Variants in PAPOLA observed in about 807,000 individuals in gnomAD.
PAPOLA encodes the protein poly(A) polymerase alpha, also known as polynucleotide adenylyltransferase alpha.
A neutral mutation model predicts 100.6 loss-of-function variants in PAPOLA; 15 were observed. The observed-to-expected ratio is 0.15, with a 90% CI of 0.10 to 0.23. The LOEUF (loss-of-function observed/expected upper bound fraction) is 0.23. Ranked by LOEUF, PAPOLA falls within the 10% of genes least tolerant of loss-of-function variation. The pLI, the probability that PAPOLA is intolerant of heterozygous loss-of-function variation, is 1.00. For missense variants in PAPOLA, 533 were observed against 884.2 expected (o/e 0.60, Z 5.04); for synonymous variants, 293 against 300.0 (o/e 0.98, Z 0.24).
At chr14:96,543,908 T>C (rs1013742302) in intron 14 of PAPOLA, among the ~76,000 whole-genome samples, 10 of 152,122 alleles carry the variant, frequency 6.6e-5, no homozygotes, top group African/African-American at 2.2e-4. Flanking sequence ...ATTAAGGACA[T>C]TGACTATCAA....
rs912425728 is a variant in PAPOLA at position 96,514,961 on chromosome 14, TTGTAGTC to T, written c.9-5090_9-5084del. 6.3e-4 allele frequency among the ~76,000 whole-genome samples: 96 copies of T among 151,232 alleles called. 1 individual carries two copies. The highest frequency in any genetic ancestry group is 2.3e-3 in the African/African-American group (93 of 40,886). On this transcript the variant is annotated intron_variant, in intron 1 of 21. Transcript: ENST00000216277. ...ATTGTTTTTGAGTTGAGACCAGACT[TTGTAGTC>T]TGTCCTGAATGCTGTTACCAGAAGT...
intron 2 of PAPOLA, 182 bp from the exon 3 acceptor site, chr14:96,520,824 T>C (rs572720286): frequency 2.6e-4 from 136 of 523,288 alleles, no homozygotes; most frequent in African/African-American, 2.3e-3. Flanking sequence ...CCTGTATATA[T>C]ATATAGAAAG....
rs1038912403 is a variant in PAPOLA, at chr14:96,564,681, G to A, written c.2143-274G>A. 1.3e-4 allele frequency among the ~76,000 whole-genome samples: 19 copies of A among 151,846 alleles called. 1 individual carries two copies. The highest frequency in any genetic ancestry group is 2.9e-5 in the Non-Finnish European group (2 of 67,894). On this transcript the variant is annotated intron_variant, in intron 21 of 21. Transcript: ENST00000216277. ...ATTATATGATAGGTGATTCTTAGAGGAACAATTTTAAAAACTATTTGAAAT... is the reference window on the plus strand; with the variant it reads ...ATTATATGATAGGTGATTCTTAGAGAAACAATTTTAAAAACTATTTGAAAT...
At chr14:96,551,652 A>G (rs1045435607) in intron 16 of PAPOLA, among the ~76,000 whole-genome samples, 13 of 151,928 alleles carry the variant, frequency 8.6e-5, no homozygotes, top group African/African-American at 2.7e-4. Context: ...CAGGCTAAAC[A>G]TTCTGGAAAA....
Position 96,565,832 on chromosome 14 carries a change from C to CA in PAPOLA, c.*785dup. On this transcript the variant is annotated 3_prime_UTR_variant, in exon 22 of 22. Transcript: ENST00000216277. ...TTCAATCTGTTGTCTTCAAAACAAA[C>CA]AAACAAAAAAAGCTTCTTGCGCCTT... 2.5e-6 allele frequency: 1 copy of CA among 397,350 alleles called. No homozygotes were observed. Among genetic ancestry groups the CA allele is most frequent in the South Asian group, 1.3e-4 (1 of 7,852 alleles). The allele number at this position is 397,350 out of a possible 1,614,324, so 24.6% of individuals were successfully genotyped here.
chr14:96,538,606 T>A (rs74086714), intron 12 of PAPOLA, among the ~76,000 whole-genome samples: 2,601 of 152,100 alleles, frequency 0.017, 68 homozygotes, highest in African/African-American at 0.059. Context: ...TCAGGAAAAT[T>A]TGCATTTCAG....
chr14:96,528,636 T>C (rs1898710772), intron 6 of PAPOLA, among the ~76,000 whole-genome samples: 2 of 152,254 alleles, frequency 1.3e-5, no homozygotes, highest in South Asian at 4.1e-4. Flanking sequence ...CACAGTGATG[T>C]GCACCTATCA....
At chr14:96,523,996 T>A (rs1231067250) in intron 3 of PAPOLA, among the ~76,000 whole-genome samples, 3 of 151,876 alleles carry the variant, frequency 2.0e-5, no homozygotes, top group African/African-American at 4.8e-5. Context: ...GTGTCTATAG[T>A]GATGGTTAAA....
At chr14:96,557,307 TC>T (rs1279934679) in intron 19 of PAPOLA, among the ~76,000 whole-genome samples, 1 of 152,260 alleles carries the variant, frequency 6.6e-6, no homozygotes, top group Admixed American at 6.5e-5. Context: ...TGTCTTGGTC[TC>T]CCAAAGTGTT....
intron 17 of PAPOLA, among the ~76,000 whole-genome samples, chr14:96,553,711 C>G (rs938007863): frequency 2.0e-4 from 30 of 152,026 alleles, no homozygotes; most frequent in African/African-American, 7.2e-4. Context: ...GGGGTTTCAC[C>G]ATGTTGGCCA....
chr14:96,520,462 G>A (rs1268192501), intron 2 of PAPOLA, among the ~76,000 whole-genome samples: 2 of 152,026 alleles, frequency 1.3e-5, no homozygotes, highest in African/African-American at 4.8e-5. Context: ...CACAGCCTCC[G>A]CCTCCTGGGT....
intron 15 of PAPOLA, 65 bp downstream of exon 15, chr14:96,544,323 T>C (rs1045220843): frequency 1.6e-5 from 12 of 745,072 alleles, no homozygotes; most frequent in South Asian, 9.5e-5. Flanking sequence ...TCTTGATGCA[T>C]ACCATAGTGA....
chr14:96,552,873 C>A, intron 17 of PAPOLA: 1 of 427,298 alleles, frequency 2.3e-6, no homozygotes, highest in Admixed American at 3.9e-5. Flanking sequence ...GCACATAACC[C>A]CTCCAAATTC....
chr14:96,554,530 G>A (rs1298550351), intron 17 of PAPOLA, among the ~76,000 whole-genome samples: 2 of 152,094 alleles, frequency 1.3e-5, no homozygotes, highest in Non-Finnish European at 2.9e-5. Flanking sequence ...ACAAGTCTTC[G>A]AAGTGTTGCC....
intron 19 of PAPOLA, among the ~76,000 whole-genome samples, chr14:96,558,779 A>T (rs1595559819): frequency 6.6e-6 from 1 of 152,122 alleles, no homozygotes; most frequent in Non-Finnish European, 1.5e-5. Context: ...ATATCTAAGA[A>T]TGAAAGCATT....
intron 16 of PAPOLA, among the ~76,000 whole-genome samples, chr14:96,551,048 A>G (rs1900811190): frequency 6.6e-6 from 1 of 152,286 alleles, no homozygotes; most frequent in East Asian, 1.9e-4. Context: ...TTCTTTCTGT[A>G]GTATGTTCTT....
In PAPOLA at chr14:96,544,276, T is replaced by TA. The variant is rs1900214854; in HGVS notation, c.1399+20dup. 1 of 1,122,366 alleles carries TA rather than the reference T, an allele frequency of 8.9e-7. No homozygotes were observed. Among genetic ancestry groups the TA allele is most frequent in the African/African-American group, 1.5e-5 (1 of 64,872 alleles). The allele number at this position is 1,122,366 out of a possible 1,614,324, so 69.5% of individuals were successfully genotyped here. On this transcript the variant is annotated intron_variant, in intron 15 of 21. Coordinates refer to ENST00000216277, the MANE Select transcript of PAPOLA (RefSeq NM_032632.5). The stretch of plus-strand genomic sequence containing the variant: ...AGATACAGGTATGTCTTTACTTGGA[T>TA]AATCAAAACACTTCAGTTCTTGCAT...
intron 16 of PAPOLA, 99 bp from the exon 17 acceptor site, chr14:96,552,381 C>A: frequency 8.9e-7 from 1 of 1,122,946 alleles, no homozygotes; most frequent in Non-Finnish European, 1.3e-6. Context: ...GTGATCTGTG[C>A]TTTTCAGTAA....
intron 1 of PAPOLA, among the ~76,000 whole-genome samples, chr14:96,518,439 C>T (rs144272924): frequency 0.07 from 10,548 of 150,906 alleles, 492 homozygotes; most frequent in South Asian, 0.13. Flanking sequence ...GACGGAGTCT[C>T]GCTCTGTCCC....
Sources: gnomAD v4.1 joint callset for allele counts (sites outside exome capture counted in the v4.1 genomes callset) on GRCh38, gnomAD v4.1.1 for gene constraint, MANE v1.5 for transcripts, NCBI Gene and HGNC (gene_info 2026-07-23, HGNC 2026-07-21) for gene names.